Variants in DNAJB11 observed in about 807,000 individuals in gnomAD.
DNAJB11 encodes DnaJ heat shock protein family (Hsp40) member B11, also known as dnaJ homolog subfamily B member 11.
A neutral mutation model predicts 47.2 loss-of-function variants in DNAJB11; 30 were observed. The ratio of observed to expected loss-of-function variants is 0.64; its 90% CI spans 0.48 to 0.86. The LOEUF (loss-of-function observed/expected upper bound fraction) is 0.86, where lower values mean the gene tolerates loss of function less well. DNAJB11 is among the 40% of genes least tolerant of loss of function. DNAJB11 has a pLI of 0.00. For missense variants in DNAJB11, 357 were observed against 440.2 expected (o/e 0.81, Z 1.69); for synonymous variants, 151 against 159.9 (o/e 0.94, Z 0.42).
intron 3 of DNAJB11, 27 bp from the exon 4 acceptor site, chr3:186,577,641 T>TTC: frequency 6.6e-7 from 1 of 1,526,102 alleles, no homozygotes; most frequent in Middle Eastern, 1.8e-4. Flanking sequence ...TTTTTTTTTT[T>TTC]CCTGATGATT....
At position 186,585,533 on chromosome 3, in the gene DNAJB11, A is replaced by C. The variant is rs529793394; in HGVS notation, c.*125A>C. 8.0e-4 allele frequency: 461 copies of C among 577,484 alleles called. 1 individual carries two copies. The highest frequency in any genetic ancestry group is 3.9e-4 in the Non-Finnish European group (133 of 337,854). 35.8% of individuals were successfully genotyped at this position (577,484 alleles called of 1,614,324 possible). Reference sequence around the variant, plus strand: ...CAAGTTAGGCTTAATTTTTTTATCTAATGATCATCATGAAATGAATAAGAG... The same window carrying C: ...CAAGTTAGGCTTAATTTTTTTATCTCATGATCATCATGAAATGAATAAGAG... On this transcript the variant is annotated 3_prime_UTR_variant, in exon 10 of 10. Coordinates refer to ENST00000265028, the MANE Select transcript of DNAJB11 (RefSeq NM_016306.6).
chr3:186,576,192 G>T (rs1219588350), intron 3 of DNAJB11, among the ~76,000 whole-genome samples: 2 of 152,226 alleles, frequency 1.3e-5, no homozygotes, highest in Non-Finnish European at 2.9e-5. Context: ...AATTCACGGG[G>T]ACATGTGTTG....
intron 3 of DNAJB11, among the ~76,000 whole-genome samples, chr3:186,576,584 G>C (rs757884084): frequency 1.3e-5 from 2 of 152,154 alleles, no homozygotes; most frequent in Non-Finnish European, 2.9e-5. Context: ...TTTATGGGGA[G>C]AGTTCATTGT....
intron 2 of DNAJB11, among the ~76,000 whole-genome samples, chr3:186,572,715 G>A (rs1265889514): frequency 6.6e-6 from 1 of 152,208 alleles, no homozygotes; most frequent in African/African-American, 2.4e-5. Flanking sequence ...GCAGGTATAA[G>A]TTAAAACATG....
At chr3:186,579,076 TA>T (rs1322641112) in intron 4 of DNAJB11, 2 of 152,142 alleles carry the variant, frequency 1.3e-5, no homozygotes, top group African/African-American at 4.8e-5. Context: ...CTGGACAACA[TA>T]ACTGAAACTC....
At chr3:186,583,483 C>G (rs1715555148) in intron 7 of DNAJB11, among the ~76,000 whole-genome samples, 1 of 152,140 alleles carries the variant, frequency 6.6e-6, no homozygotes, top group Admixed American at 6.5e-5. Flanking sequence ...GCCAGAATTC[C>G]TTCTCACTCT....
chr3:186,583,758 A>T, intron 7 of DNAJB11, 107 bp from the exon 8 acceptor site: 1 of 766,146 alleles, frequency 1.3e-6, no homozygotes, highest in Non-Finnish European at 2.2e-6. Context: ...TGTCTAAGAA[A>T]TGTTTATTGT....
In DNAJB11 at chr3:186,584,545, A is replaced by G; in HGVS notation, c.968A>G (p.Asp323Gly). 1 of 1,599,546 alleles carries G rather than the reference A, an allele frequency of 6.3e-7. No individual in the cohort carries two copies. The highest frequency in any genetic ancestry group is 8.5e-7 in the Non-Finnish European group (1 of 1,175,658). ...AAGGGCTCTTTGATAATCACTTTTG[A>G]TGTGGATTTTCCAAAAGAACAGTTA... ...NIKGSLIITF[D>G]VDFPKEQLTE... is the part of the protein sequence containing the mutation. Residue 323 changes from aspartate to glycine, a missense_variant, in exon 9 of 10, where the codon GAT becomes GGT. Transcript: ENST00000265028.
intron 1 of DNAJB11, among the ~76,000 whole-genome samples, chr3:186,571,478 G>A (rs1295633218): frequency 6.6e-6 from 1 of 152,194 alleles, no homozygotes; most frequent in African/African-American, 2.4e-5. Context: ...ACATTAAAGT[G>A]GGTGGATGAT....
rs1553850123 is a variant in DNAJB11, at chr3:186,575,356, C to CGCGCGT, written c.226-479_226-478insTGCGCG. Among the ~76,000 whole-genome samples, 581 of 59,836 alleles carry CGCGCGT rather than the reference C, an allele frequency of 9.7e-3. 9 individuals carry two copies. The highest frequency in any genetic ancestry group is 0.046 in the African/African-American group (545 of 11,954). 39.3% of individuals were successfully genotyped at this position (59,836 alleles called of 152,430 possible). On this transcript the variant is annotated intron_variant, in intron 2 of 9. Transcript: ENST00000265028. ...TGACTTGACAATCTCCTAATACATG[C>CGCGCGT]GCGCGCGCGCGCGTGTGTGTGTGTG... is the stretch of plus-strand genomic sequence containing the variant.
chr3:186,582,580 A>C, intron 6 of DNAJB11, 136 bp from the exon 7 acceptor site: 1 of 688,236 alleles, frequency 1.5e-6, no homozygotes, highest in Non-Finnish European at 2.6e-6. Context: ...TGATACAACC[A>C]GGCAGAGACA....
Position 186,572,249 on chromosome 3 carries a change from G to A in DNAJB11, c.223G>A (p.Glu75Lys). The change falls in exon 2 of 10, where the codon GAG (glutamate) becomes AAG (lysine). Residue 75 changes from glutamate (E) to lysine (K), a missense_variant and splice_region_variant. Transcript: ENST00000265028. The stretch of plus-strand genomic sequence containing the variant: ...ATTCCAGGATCTGGGTGCTGCTTAT[G>A]AGGTGAGTTGGGAAAAGTGATAAAG... ...EKFQDLGAAY[E>K]VLSDSEKRKQ... 6.2e-7 allele frequency: 1 copy of A among 1,601,478 alleles called. No individual in the cohort carries two copies. Among genetic ancestry groups the A allele is most frequent in the Non-Finnish European group, 8.5e-7 (1 of 1,176,740 alleles).
At chr3:186,579,821 G>C (rs1044644091) in intron 4 of DNAJB11, 4 of 152,164 alleles carry the variant, frequency 2.6e-5, no homozygotes, top group South Asian at 4.1e-4. Flanking sequence ...CTATCTGTGG[G>C]ATTTTCTCAT....
At position 186,576,031 on chromosome 3, in the gene DNAJB11, T is replaced by G. The variant is rs2280390; in HGVS notation, c.323+94T>G. The G allele has an allele frequency of 0.63, 554,484 of 880,190 alleles. 182,715 individuals are homozygous for G. Among genetic ancestry groups the G allele is most frequent in the East Asian group, 0.78 (29,904 of 38,376 alleles). The allele number at this position is 880,190 out of a possible 1,614,324, so 54.5% of individuals were successfully genotyped here. On this transcript the variant is annotated intron_variant, in intron 3 of 9. Coordinates refer to ENST00000265028, the MANE Select transcript of DNAJB11 (RefSeq NM_016306.6). Reference sequence around the variant, plus strand: ...TCTCATTCCCTAGTTCAGAAACTTTTGATGAACAGTACAATTTAGCTGATC... The same window carrying G: ...TCTCATTCCCTAGTTCAGAAACTTTGGATGAACAGTACAATTTAGCTGATC...
At chr3:186,580,081 G>A (rs1341377609) in intron 4 of DNAJB11, 1 of 152,230 alleles carries the variant, frequency 6.6e-6, no homozygotes, top group Non-Finnish European at 1.5e-5. Context: ...AAACCAGTGA[G>A]GTTGTTTAGA....
chr3:186,572,108 A>C lies in DNAJB11; in HGVS notation c.82A>C (p.Lys28Gln). 6.3e-7 allele frequency: 1 copy of C among 1,582,534 alleles called. No homozygotes were observed. The highest frequency in any genetic ancestry group is 8.6e-7 in the Non-Finnish European group (1 of 1,169,562). ...TCTACTTCCCAGACGAGATTTCTAT[A>C]AGATCTTGGGGGTGCCTCGAAGTGC... is the stretch of plus-strand genomic sequence containing the variant. ...GAVIAGRDFY[K>Q]ILGVPRSASI... is the part of the protein sequence containing the mutation. Residue 28 changes from lysine (K) to glutamine (Q), a missense_variant, in exon 2 of 10, where the codon AAG (lysine) becomes CAG (glutamine). Lys to Gln is a moderately conservative substitution (Grantham distance 53). Coordinates refer to ENST00000265028, the MANE Select transcript of DNAJB11 (RefSeq NM_016306.6).
intron 7 of DNAJB11, among the ~76,000 whole-genome samples, chr3:186,583,328 C>T (rs115608523): frequency 0.013 from 1,961 of 152,350 alleles, 32 homozygotes; most frequent in African/African-American, 0.044. Context: ...TGGCCCCCCA[C>T]TGTCTGGGAC....
At chr3:186,572,399 T>G in intron 2 of DNAJB11, 148 bp downstream of exon 2, 2 of 794,530 alleles carry the variant, frequency 2.5e-6, no homozygotes, top group South Asian at 4.2e-5. Flanking sequence ...TGGAGTGCAG[T>G]GGTGCAATCT....
chr3:186,585,476 T>G lies in DNAJB11; in HGVS notation c.*68T>G. On this transcript the variant is annotated 3_prime_UTR_variant, in exon 10 of 10. Coordinates refer to ENST00000265028, the MANE Select transcript of DNAJB11 (RefSeq NM_016306.6). The stretch of plus-strand genomic sequence containing the variant: ...GATATTTATTATCTGCAAGGTTTTT[T>G]TGTGTGTGTTTTTGTTTTTATTTTC... 1.6e-6 allele frequency: 2 copies of G among 1,264,732 alleles called. No homozygotes were observed. Among genetic ancestry groups the G allele is most frequent in the East Asian group, 2.4e-5 (1 of 41,026 alleles). The allele number at this position is 1,264,732 out of a possible 1,614,324, so 78.3% of individuals were successfully genotyped here.
Sources: gnomAD v4.1 joint callset for allele counts (sites outside exome capture counted in the v4.1 genomes callset) on GRCh38, gnomAD v4.1.1 for gene constraint, MANE v1.5 for transcripts, NCBI Gene and HGNC (gene_info 2026-07-23, HGNC 2026-07-21) for gene names.